SYNE2: variants seen among roughly 807,000 people sequenced by gnomAD.
SYNE2 encodes nesprin-2.
A neutral mutation model predicts 856.3 loss-of-function variants in SYNE2; 431 were observed. That is an observed-to-expected ratio of 0.50 (90% CI 0.47 to 0.55). The LOEUF is 0.55. Ranked by LOEUF, SYNE2 falls within the 20% of genes least tolerant of loss-of-function variation. SYNE2 has a pLI of 0.00. For missense variants in SYNE2, 8,129 were observed against 8,023.2 expected (o/e 1.01, Z -0.50); for synonymous variants, 2,923 against 2,872.3 (o/e 1.02, Z -0.56).
intron 105 of SYNE2, 41 bp downstream of exon 105, chr14:64,213,046 A>G: frequency 6.2e-7 from 1 of 1,609,858 alleles, no homozygotes; most frequent in Non-Finnish European, 8.5e-7. Flanking sequence ...TGGGCTGCTC[A>G]GAGTTTACGT....
chr14:63,974,038 TG>T (rs1285421730), intron 11 of SYNE2, among the ~76,000 whole-genome samples: 1 of 152,200 alleles, frequency 6.6e-6, no homozygotes, highest in African/African-American at 2.4e-5. Flanking sequence ...AAGACCAGCC[TG>T]GGCAACATAG....
At chr14:63,926,166 AC>A (rs565648654) in intron 2 of SYNE2, among the ~76,000 whole-genome samples, 46 of 151,878 alleles carry the variant, frequency 3.0e-4, no homozygotes, top group African/African-American at 1.1e-3. Flanking sequence ...CATTTTTGTC[AC>A]CCCAAAAAGA....
chr14:63,794,219 T>C (rs895103622), intron 1 of SYNE2, among the ~76,000 whole-genome samples: 5 of 152,174 alleles, frequency 3.3e-5, no homozygotes, highest in Non-Finnish European at 7.4e-5. Context: ...TATTTTTACT[T>C]TTTATTTTAT....
At chr14:64,087,504 C>G in intron 57 of SYNE2, 167 bp from the exon 58 acceptor site, 1 of 801,298 alleles carries the variant, frequency 1.2e-6, no homozygotes, top group Non-Finnish European at 2.3e-6. Flanking sequence ...ACTCTGAAGT[C>G]TTTCACTGTC....
chr14:64,070,622 G>T, intron 51 of SYNE2, 23 bp from the exon 52 acceptor site: 1 of 1,598,536 alleles, frequency 6.3e-7, no homozygotes, highest in Non-Finnish European at 8.6e-7. Flanking sequence ...ACTTATTTTA[G>T]TTCTTTTTGT....
intron 11 of SYNE2, among the ~76,000 whole-genome samples, chr14:63,974,768 G>T (rs60424705): frequency 8.2e-6 from 1 of 121,726 alleles, no homozygotes; most frequent in Non-Finnish European, 1.7e-5. Flanking sequence ...ACGTGTGTGT[G>T]TATATATATA....
intron 107 of SYNE2, chr14:64,215,788 C>A (rs1749703535): frequency 4.1e-6 from 2 of 482,988 alleles, no homozygotes; most frequent in Admixed American, 4.2e-5. Context: ...AGGGAAAAAA[C>A]CTTCCTTTCC....
intron 1 of SYNE2, among the ~76,000 whole-genome samples, chr14:63,813,085 T>C (rs1489895347): frequency 1.3e-5 from 2 of 152,152 alleles, no homozygotes; most frequent in African/African-American, 4.8e-5. Flanking sequence ...GGCCAGTCAT[T>C]TGCTTGGCTT....
chr14:64,132,319 A>C lies in SYNE2; in HGVS notation c.14395A>C (p.Lys4799Gln). 6.2e-7 allele frequency: 1 copy of C among 1,614,196 alleles called. No homozygotes were observed. ...DMLLIQAYSA[K>Q]ILPSLLQNRE... ...GTTGTTGATCCAAGCATACTCTGCC[A>C]AAATACTTCCTTCTTTATTGCAAAA... Residue 4799 changes from lysine to glutamine, a missense_variant, in exon 77 of 116, where the codon AAA (lysine) becomes CAA (glutamine). Lys to Gln is a moderately conservative substitution (Grantham distance 53). Coordinates refer to ENST00000555002, the MANE Select transcript of SYNE2 (RefSeq NM_182914.3).
Position 64,035,365 on chromosome 14 carries a change from A to C in SYNE2, c.7221+4008A>C, listed in dbSNP as rs552085163. Among the ~76,000 whole-genome samples the C allele has an allele frequency of 2.0e-5, 3 of 152,154 alleles. No individual in the cohort carries two copies. In the East Asian group the frequency reaches 5.8e-4, roughly 29 times the overall value. On this transcript the variant is annotated intron_variant, in intron 45 of 115. Coordinates refer to ENST00000555002, the MANE Select transcript of SYNE2 (RefSeq NM_182914.3). ...CCTGTTAACTCAGTAGAAAAAAAAA[A>C]GTTATAACAGAGCACATAGTTGGGC... is the stretch of plus-strand genomic sequence containing the variant.
chr14:64,111,236 T>G (rs2097803983), intron 65 of SYNE2, among the ~76,000 whole-genome samples: 1 of 151,920 alleles, frequency 6.6e-6, no homozygotes, highest in Admixed American at 6.6e-5. Flanking sequence ...TAACAGGTGC[T>G]CAAATAAAAT....
At chr14:64,134,321 C>T in intron 78 of SYNE2, 121 bp downstream of exon 78, 2 of 1,053,268 alleles carry the variant, frequency 1.9e-6, no homozygotes, top group Non-Finnish European at 2.9e-6. Context: ...CATCATACAA[C>T]TCACTGTTGA....
At chr14:64,047,082 T>G (rs560942016) in intron 45 of SYNE2, among the ~76,000 whole-genome samples, 7 of 152,270 alleles carry the variant, frequency 4.6e-5, no homozygotes, top group East Asian at 1.9e-4. Flanking sequence ...GGTCCCAAGC[T>G]CTTGTCCAGC....
At chr14:64,075,136 A>G (rs2097447888) in intron 53 of SYNE2, among the ~76,000 whole-genome samples, 1 of 152,228 alleles carries the variant, frequency 6.6e-6, no homozygotes, top group African/African-American at 2.4e-5. Flanking sequence ...CACATTACAG[A>G]GTCATTTAAA....
intron 1 of SYNE2, among the ~76,000 whole-genome samples, chr14:63,771,678 C>CA (rs537078523): frequency 5.8e-4 from 88 of 152,008 alleles, no homozygotes; most frequent in African/African-American, 2.0e-3. Context: ...GTGGGTGGAT[C>CA]ACCTGAGGTC....
At chr14:64,225,250 G>T in intron 115 of SYNE2, 69 bp from the exon 116 acceptor site, 1 of 1,605,444 alleles carries the variant, frequency 6.2e-7, no homozygotes, top group South Asian at 1.1e-5. Context: ...CATAAGCAGG[G>T]GCTTAGGTAA....
In SYNE2 at chr14:64,100,531, AATATATATATATATAT is replaced by A. The variant is rs1204839640; in HGVS notation, c.12382-1376_12382-1361del. On this transcript the variant is annotated intron_variant, in intron 63 of 115. Transcript: ENST00000555002. Reference sequence around the variant, plus strand: ...AACTGTCTCAAAAAAAAAAAAAAAAAATATATATATATATATATATATATATATATATATATATATT... The same window carrying A: ...AACTGTCTCAAAAAAAAAAAAAAAAAATATATATATATATATATATATATT... Among the ~76,000 whole-genome samples the A allele has an allele frequency of 0.01, 413 of 39,492 alleles. 37 individuals carry two copies. The East Asian group carries it at 0.13, about 13-fold the overall frequency. The allele number at this position is 39,492 out of a possible 152,430, so 25.9% of individuals were successfully genotyped here.
At chr14:64,217,003 G>A (rs2098669664) in intron 108 of SYNE2, among the ~76,000 whole-genome samples, 1 of 152,210 alleles carries the variant, frequency 6.6e-6, no homozygotes, top group African/African-American at 2.4e-5. Context: ...TGGGATTACA[G>A]GCATGGTCCA....
At position 63,924,832 on chromosome 14, in the gene SYNE2, G is replaced by GTTTTTTTTTTTTTTTTTTT. The variant is rs1491139905; in HGVS notation, c.79+15606_79+15607insTTTTTTTTTTTTTTTTTTT. Among the ~76,000 whole-genome samples the GTTTTTTTTTTTTTTTTTTT allele has an allele frequency of 3.1e-3, 289 of 92,848 alleles. 91 individuals are homozygous for GTTTTTTTTTTTTTTTTTTT. The highest frequency in any genetic ancestry group is 9.0e-3 in the East Asian group (24 of 2,654). The allele number at this position is 92,848 out of a possible 152,430, so 60.9% of individuals were successfully genotyped here. A position where few individuals can be genotyped will look rare whatever the true frequency, so the allele number is the denominator to read the frequency against. ...TTTAACTTTTTTCCTTCCAGCCTTGGTGTTTTTTTTTTTTTTTTTTTTTTT... is the reference window on the plus strand; with the variant it reads ...TTTAACTTTTTTCCTTCCAGCCTTGGTTTTTTTTTTTTTTTTTTTTGTTTTTTTTTTTTTTTTTTTTTTT... On this transcript the variant is annotated intron_variant, in intron 2 of 115. Coordinates refer to ENST00000555002, the MANE Select transcript of SYNE2 (RefSeq NM_182914.3).
Sources: gnomAD v4.1 joint callset for allele counts (sites outside exome capture counted in the v4.1 genomes callset) on GRCh38, gnomAD v4.1.1 for gene constraint, MANE v1.5 for transcripts, NCBI Gene and HGNC (gene_info 2026-07-23, HGNC 2026-07-21) for gene names.